LSG1: variants seen among roughly 807,000 people sequenced by gnomAD.
LSG1 encodes large 60S subunit nuclear export GTPase 1.
Under a neutral mutation model 82.6 loss-of-function variants are expected in LSG1, and 55 were observed. That is an observed-to-expected ratio of 0.67 (90% CI 0.54 to 0.83). The LOEUF (loss-of-function observed/expected upper bound fraction) is 0.83. Among genes scored for constraint, LSG1 ranks in the 40% least tolerant of loss-of-function variants. The probability of loss-of-function intolerance (pLI) is 0.00; values close to 1 mark genes in which losing one functional copy is unlikely to be tolerated. For synonymous variants in LSG1, 272 were observed against 282.5 expected (o/e 0.96, Z 0.37); for missense variants, 809 against 807.9 (o/e 1.00, Z -0.02).
At chr3:194,671,654 CTGAAT>C (rs2108624067) in intron 1 of LSG1, among the ~76,000 whole-genome samples, 1 of 152,286 alleles carries the variant, frequency 6.6e-6, no homozygotes, top group Admixed American at 6.5e-5. Context: ...AGGCAAGGAT[CTGAAT>C]TATTTTATAT....
Position 194,646,169 on chromosome 3 carries a change from C to T in LSG1, c.1618G>A (p.Val540Ile). Reference protein sequence around the residue: ...RSARYILKDYVSGKLLYCHPP... With the variant: ...RSARYILKDYISGKLLYCHPP... ...GAGAGGCAGGGTTCACTTACACTGA[C>T]ATAGTCCTTCAGGATGTAGCGCGCA... The change falls in exon 12 of 14, where the codon GTC becomes ATC. Residue 540 changes from valine to isoleucine, a missense_variant. Physicochemically the swap from Val to Ile is conservative, Grantham distance 29. Coordinates refer to ENST00000265245, the MANE Select transcript of LSG1 (RefSeq NM_018385.3). 6.2e-7 allele frequency: 1 copy of T among 1,613,978 alleles called. No individual in the cohort carries two copies. The highest frequency in any genetic ancestry group is 8.5e-7 in the Non-Finnish European group (1 of 1,179,852).
Position 194,641,206 on chromosome 3 carries a change from C to G in LSG1, c.*862G>C, listed in dbSNP as rs1254764894. On this transcript the variant is annotated 3_prime_UTR_variant, in exon 14 of 14. Coordinates refer to ENST00000265245, the MANE Select transcript of LSG1 (RefSeq NM_018385.3). ...TATAATTTACATACCATACAATTCA[C>G]CAACGTAAAGTGTGTAATTCAATGG... The G allele has an allele frequency of 6.6e-6, 1 of 152,176 alleles. No homozygotes were observed. The highest frequency in any genetic ancestry group is 1.5e-5 in the Non-Finnish European group (1 of 68,048). The allele number at this position is 152,176 out of a possible 1,614,324, so 9.4% of individuals were successfully genotyped here.
intron 13 of LSG1, among the ~76,000 whole-genome samples, chr3:194,642,844 T>C (rs77812448): frequency 0.041 from 6,313 of 152,330 alleles, 429 homozygotes; most frequent in African/African-American, 0.14. Flanking sequence ...AATACTGGTA[T>C]GTACCAACTT....
Position 194,659,058 on chromosome 3 carries a change from C to T in LSG1, c.658G>A (p.Glu220Lys). 6.2e-7 allele frequency: 1 copy of T among 1,614,164 alleles called. No homozygotes were observed. Residue 220 changes from glutamate (E) to lysine (K), a missense_variant, in exon 7 of 14, where the codon GAG becomes AAG. Glu to Lys is a moderately conservative substitution (Grantham distance 56). Coordinates refer to ENST00000265245, the MANE Select transcript of LSG1 (RefSeq NM_018385.3). ...LINKADLLTAEQRSAWAMYFE... is the reference protein window; with the variant it reads ...LINKADLLTAKQRSAWAMYFE... ...TACATGGCCCAGGCACTCCGCTGCT[C>T]AGCAGTCAGCAAGTCTGCCTTGTTG...
chr3:194,661,176 C>A (rs905618705), intron 5 of LSG1, among the ~76,000 whole-genome samples: 9 of 152,198 alleles, frequency 5.9e-5, no homozygotes, highest in African/African-American at 1.7e-4. Flanking sequence ...TCAGCATAAT[C>A]CTCTGACACA....
chr3:194,644,597 G>GATATT lies in LSG1; in HGVS notation c.1768_1772dup (p.Val592IlefsTer13), dbSNP rs1484994393. On this transcript the variant is annotated frameshift_variant, in exon 13 of 14. Coordinates refer to ENST00000265245, the MANE Select transcript of LSG1 (RefSeq NM_018385.3). LOFTEE classifies it high-confidence loss of function. The stretch of plus-strand genomic sequence containing the variant: ...CTTGATGGAAAAAAGTTTTGTCAAC[G>GATATT]ATATTTTCAATCTGCTTTGCTTTTT... 1 of 1,610,814 alleles carries GATATT rather than the reference G, an allele frequency of 6.2e-7. No homozygotes were observed. The highest frequency in any genetic ancestry group is 1.1e-5 in the South Asian group (1 of 90,364).
intron 7 of LSG1, among the ~76,000 whole-genome samples, chr3:194,653,387 C>G (rs1230491478): frequency 1.3e-5 from 2 of 151,954 alleles, no homozygotes; most frequent in African/African-American, 4.8e-5. Flanking sequence ...TGGTGGTGCA[C>G]ACCTGTAATC....
intron 8 of LSG1, 105 bp downstream of exon 8, chr3:194,652,624 C>G: frequency 1.6e-6 from 2 of 1,269,592 alleles, no homozygotes; most frequent in Admixed American, 4.1e-5. Flanking sequence ...GCAATGTTCC[C>G]TACGATGCCG....
At chr3:194,650,014 G>T (rs113018967) in intron 10 of LSG1, among the ~76,000 whole-genome samples, 6,850 of 152,076 alleles carry the variant, frequency 0.045, 514 homozygotes, top group African/African-American at 0.16. Flanking sequence ...CCGCCTCCCA[G>T]GTTCAAGAGA....
At chr3:194,662,992 G>A (rs1020607438) in intron 5 of LSG1, among the ~76,000 whole-genome samples, 1 of 152,144 alleles carries the variant, frequency 6.6e-6, no homozygotes, top group African/African-American at 2.4e-5. Context: ...CCTGAGGAAG[G>A]CCTCTTCCGT....
At chr3:194,661,488 T>A (rs545816342) in intron 5 of LSG1, among the ~76,000 whole-genome samples, 1 of 152,206 alleles carries the variant, frequency 6.6e-6, no homozygotes. Flanking sequence ...GCACCAGCCA[T>A]GTAGCAGGAG....
intron 4 of LSG1, 51 bp downstream of exon 4, chr3:194,666,152 A>G (rs1675944): frequency 0.75 from 1,113,071 of 1,481,736 alleles, 420,632 homozygotes; most frequent in East Asian, 0.92. Flanking sequence ...CATGCCAAAT[A>G]TCTGAACTCA....
chr3:194,645,581 C>CAGACAG (rs1718528141), intron 12 of LSG1, among the ~76,000 whole-genome samples: 2 of 65,518 alleles, frequency 3.1e-5, no homozygotes, highest in African/African-American at 5.3e-5. Flanking sequence ...GACAGACACA[C>CAGACAG]ACACACACAC....
At chr3:194,655,328 A>G (rs1718769136) in intron 7 of LSG1, among the ~76,000 whole-genome samples, 1 of 152,196 alleles carries the variant, frequency 6.6e-6, no homozygotes, top group Non-Finnish European at 1.5e-5. Flanking sequence ...CAAGAAGGCC[A>G]CAGATGCAGA....
chr3:194,651,350 GT>G, intron 8 of LSG1, 134 bp from the exon 9 acceptor site: 1 of 653,328 alleles, frequency 1.5e-6, no homozygotes, highest in Non-Finnish European at 2.7e-6. Flanking sequence ...TCCATGCTGT[GT>G]TTGTTGAGAC....
Position 194,646,171 on chromosome 3 carries a change from T to G in LSG1, c.1616A>C (p.Tyr539Ser). 2 of 1,614,002 alleles carry G rather than the reference T, an allele frequency of 1.2e-6. No individual in the cohort carries two copies. Among genetic ancestry groups the G allele is most frequent in the Non-Finnish European group, 1.7e-6 (2 of 1,179,872 alleles). Reference protein sequence around the residue: ...PRSARYILKDYVSGKLLYCHP... With the variant: ...PRSARYILKDSVSGKLLYCHP... ...GAGGCAGGGTTCACTTACACTGACA[T>G]AGTCCTTCAGGATGTAGCGCGCAGA... The change falls in exon 12 of 14, where the codon TAT becomes TCT. Residue 539 changes from tyrosine (Y) to serine (S), a missense_variant. Coordinates refer to ENST00000265245, the MANE Select transcript of LSG1 (RefSeq NM_018385.3).
intron 8 of LSG1, 101 bp from the exon 9 acceptor site, chr3:194,651,317 T>A: frequency 1.3e-6 from 1 of 772,034 alleles, no homozygotes; most frequent in East Asian, 2.5e-5. Flanking sequence ...AAGCATCTGG[T>A]TACTTTAGAA....
At chr3:194,643,478 A>G (rs879812084) in intron 13 of LSG1, among the ~76,000 whole-genome samples, 10 of 152,218 alleles carry the variant, frequency 6.6e-5, no homozygotes, top group Non-Finnish European at 1.3e-4. Context: ...TTAGGGAAAT[A>G]CTCATCAAAA....
At chr3:194,643,962 T>C (rs2108614010) in intron 13 of LSG1, among the ~76,000 whole-genome samples, 1 of 152,298 alleles carries the variant, frequency 6.6e-6, no homozygotes, top group East Asian at 1.9e-4. Flanking sequence ...GCACACAGTA[T>C]GATTCCAGTC....
Sources: allele counts gnomAD v4.1 joint callset (sites outside exome capture counted in the v4.1 genomes callset), GRCh38; gene constraint gnomAD v4.1.1; transcripts MANE v1.5; gene names NCBI Gene and HGNC (gene_info 2026-07-23, HGNC 2026-07-21).